CRPPA: variants seen among roughly 807,000 people sequenced by gnomAD.
CRPPA encodes the protein CDP-L-ribitol pyrophosphorylase A, also known as D-ribitol-5-phosphate cytidylyltransferase.
CRPPA carries 43 observed loss-of-function variants against 52.0 expected under a neutral mutation model. The ratio of observed to expected loss-of-function variants is 0.83; its 90% CI spans 0.65 to 1.07. The LOEUF is 1.07. CRPPA is among the 50% of genes least tolerant of loss of function. The probability of loss-of-function intolerance (pLI) is 0.00; values close to 1 mark genes in which losing one functional copy is unlikely to be tolerated. For missense variants in CRPPA, 629 were observed against 551.7 expected, an observed-to-expected ratio of 1.14 and a Z score of -1.40; for synonymous variants, 250 against 203.5, an observed-to-expected ratio of 1.23 and a Z score of -1.94.
chr7:16,375,409 T>C (rs1377438670), intron 3 of CRPPA, among the ~76,000 whole-genome samples: 1 of 152,202 alleles, frequency 6.6e-6, no homozygotes, highest in African/African-American at 2.4e-5. Flanking sequence ...ATTATGTAAG[T>C]ACAGCAGCAT....
chr7:16,319,954 TC>T (rs1299310286), intron 3 of CRPPA, among the ~76,000 whole-genome samples: 1 of 152,178 alleles, frequency 6.6e-6, no homozygotes, highest in Non-Finnish European at 1.5e-5. Flanking sequence ...TGCTGCTAGG[TC>T]CTGGACTTTG....
chr7:16,370,322 A>C (rs188884714), intron 3 of CRPPA, among the ~76,000 whole-genome samples: 55 of 152,328 alleles, frequency 3.6e-4, no homozygotes, highest in African/African-American at 7.7e-4. Flanking sequence ...TGAAAGCCAT[A>C]GTTGCTATTT....
intron 3 of CRPPA, among the ~76,000 whole-genome samples, chr7:16,370,604 G>A (rs1008243263): frequency 6.6e-6 from 1 of 152,174 alleles, no homozygotes; most frequent in Non-Finnish European, 1.5e-5. Flanking sequence ...TGGGACAAGA[G>A]AATCTAAACA....
At chr7:16,206,986 T>C (rs1220774595) in intron 9 of CRPPA, among the ~76,000 whole-genome samples, 1 of 152,140 alleles carries the variant, frequency 6.6e-6, no homozygotes, top group African/African-American at 2.4e-5. Context: ...AATCTTGCTA[T>C]TTTCTATAAA....
intron 9 of CRPPA, among the ~76,000 whole-genome samples, chr7:16,119,270 C>T (rs1304757595): frequency 6.6e-6 from 1 of 151,920 alleles, no homozygotes; most frequent in Admixed American, 6.6e-5. Flanking sequence ...TTTGCCCAGC[C>T]CTGGGCAGGC....
chr7:16,283,225 T>C (rs2128418799), intron 5 of CRPPA, among the ~76,000 whole-genome samples: 1 of 150,842 alleles, frequency 6.6e-6, no homozygotes, highest in South Asian at 2.1e-4. Flanking sequence ...TATATATGTA[T>C]AAATAGATAG....
At chr7:16,314,099 T>C (rs370102133) in intron 3 of CRPPA, among the ~76,000 whole-genome samples, 2 of 151,848 alleles carry the variant, frequency 1.3e-5, no homozygotes, top group South Asian at 2.1e-4. Context: ...CAGAGGGGTG[T>C]TGAAGTCTCC....
chr7:16,295,948 C>T (rs1784665199), intron 5 of CRPPA, among the ~76,000 whole-genome samples: 1 of 152,096 alleles, frequency 6.6e-6, no homozygotes, highest in Admixed American at 6.6e-5. Flanking sequence ...ATTTCACTCA[C>T]AGTAGAAGCC....
chr7:16,375,867 G>A (rs952531096), intron 3 of CRPPA, among the ~76,000 whole-genome samples: 1 of 152,160 alleles, frequency 6.6e-6, no homozygotes, highest in Non-Finnish European at 1.5e-5. Flanking sequence ...CTTCAGGAGA[G>A]GGAGGGAAAA....
chr7:16,165,228 A>G (rs886842752), intron 9 of CRPPA, among the ~76,000 whole-genome samples: 2 of 44,312 alleles, frequency 4.5e-5, no homozygotes, highest in Admixed American at 4.2e-4. Context: ...TCCTCCAAGA[A>G]AAAAAAAAAA....
At chr7:16,138,515 A>G (rs1238326056) in intron 9 of CRPPA, among the ~76,000 whole-genome samples, 1 of 152,052 alleles carries the variant, frequency 6.6e-6, no homozygotes, top group African/African-American at 2.4e-5. Flanking sequence ...ACCTATATTA[A>G]CCTATGTTTC....
intron 8 of CRPPA, chr7:16,237,450 A>C (rs1782983341): frequency 6.6e-6 from 1 of 152,076 alleles, no homozygotes; most frequent in Non-Finnish European, 1.5e-5. Context: ...AAATGGCATT[A>C]ATCTCATTGA....
intron 2 of CRPPA, among the ~76,000 whole-genome samples, chr7:16,400,813 A>G (rs999658855): frequency 6.6e-5 from 10 of 152,234 alleles, no homozygotes. Context: ...CATGCCTGAC[A>G]CGTGTGTGAC....
At chr7:16,130,358 C>G (rs778773564) in intron 9 of CRPPA, among the ~76,000 whole-genome samples, 6 of 152,132 alleles carry the variant, frequency 3.9e-5, no homozygotes, top group Non-Finnish European at 5.9e-5. Flanking sequence ...AGCTACAAGG[C>G]TGGCTGGGAA....
chr7:16,143,788 G>A (rs923385846), intron 9 of CRPPA, among the ~76,000 whole-genome samples: 4 of 152,084 alleles, frequency 2.6e-5, no homozygotes, highest in African/African-American at 9.7e-5. Context: ...TTCTAGAGGG[G>A]TACCATCTGG....
intron 9 of CRPPA, among the ~76,000 whole-genome samples, chr7:16,185,982 A>G (rs1248529329): frequency 6.6e-6 from 1 of 152,202 alleles, no homozygotes; most frequent in African/African-American, 2.4e-5. Context: ...GAGCAGTACC[A>G]ATAGACCATA....
intron 3 of CRPPA, among the ~76,000 whole-genome samples, chr7:16,347,209 T>A (rs1360403022): frequency 6.6e-6 from 1 of 151,996 alleles, no homozygotes; most frequent in Non-Finnish European, 1.5e-5. Flanking sequence ...CTCCTGACAG[T>A]TATATAACAA....
At chr7:16,287,797 CT>C (rs1315001492) in intron 5 of CRPPA, among the ~76,000 whole-genome samples, 1 of 151,912 alleles carries the variant, frequency 6.6e-6, no homozygotes, top group Non-Finnish European at 1.5e-5. Flanking sequence ...TGGTGTGTGC[CT>C]GTAATTCCAG....
chr7:16,371,681 A>G (rs1366780836), intron 3 of CRPPA, among the ~76,000 whole-genome samples: 1 of 152,046 alleles, frequency 6.6e-6, no homozygotes, highest in Non-Finnish European at 1.5e-5. Context: ...AGAACACACT[A>G]GATCCCAAGC....
Sources: allele counts gnomAD v4.1 joint callset (sites outside exome capture counted in the v4.1 genomes callset), GRCh38; gene constraint gnomAD v4.1.1; transcripts MANE v1.5; gene names NCBI Gene and HGNC (gene_info 2026-07-23, HGNC 2026-07-21).